The following SLC9A4 variants were observed in gnomAD, a reference collection of about 807,000 sequenced individuals.
SLC9A4 encodes the protein sodium/hydrogen exchanger 4.
In SLC9A4, 63 loss-of-function variants were observed where a neutral mutation model predicts 67.4. That is an observed-to-expected ratio of 0.93 (90% CI 0.76 to 1.15). The LOEUF (loss-of-function observed/expected upper bound fraction) is 1.15, where lower values mean the gene tolerates loss of function less well. Among genes scored for constraint, SLC9A4 ranks in the 50% most tolerant of loss-of-function variants. The probability of loss-of-function intolerance (pLI) is 0.00; values close to 1 mark genes in which losing one functional copy is unlikely to be tolerated. For synonymous variants in SLC9A4, 393 were observed against 367.2 expected (o/e 1.07, Z -0.80); for missense variants, 1,089 against 987.7 (o/e 1.10, Z -1.38).
intron 9 of SLC9A4, among the ~76,000 whole-genome samples, chr2:102,520,932 A>G (rs1204743215): frequency 2.6e-5 from 4 of 152,356 alleles, no homozygotes; most frequent in Non-Finnish European, 5.9e-5. Context: ...TCAAAGGTCA[A>G]TGATTAAGAG....
rs1684274826 is a variant in SLC9A4, at chr2:102,473,935, T to C, written c.176T>C (p.Val59Ala). The change falls in exon 1 of 12, where the codon GTT (valine) becomes GCT (alanine). Residue 59 changes from valine (V) to alanine (A), a missense_variant. Transcript: ENST00000295269. ...ASSEPEEGISVFELDYDYVQI... is the reference protein window; with the variant it reads ...ASSEPEEGISAFELDYDYVQI... ...TCAGAGCCAGAGGAAGGGATATCTGTTTTTGAACTGGATTATGACTATGTG... is the reference window on the plus strand; with the variant it reads ...TCAGAGCCAGAGGAAGGGATATCTGCTTTTGAACTGGATTATGACTATGTG... 1 of 1,614,056 alleles carries C rather than the reference T, an allele frequency of 6.2e-7. No individual in the cohort carries two copies. The highest frequency in any genetic ancestry group is 8.5e-7 in the Non-Finnish European group (1 of 1,179,940).
Position 102,521,746 on chromosome 2 carries a change from A to G in SLC9A4, c.1818+1791A>G, listed in dbSNP as rs183107916. ...TTTTGAGGAATGTCACAAAGGGTGT[A>G]CATTAGCCATCCTGCACTCTCTAGC... On this transcript the variant is annotated intron_variant, in intron 9 of 11. Transcript: ENST00000295269. 7.2e-5 allele frequency among the ~76,000 whole-genome samples: 11 copies of G among 152,358 alleles called. No homozygotes were observed. The East Asian group carries it at 2.1e-3, about 29-fold the overall frequency.
intron 2 of SLC9A4, among the ~76,000 whole-genome samples, chr2:102,482,166 A>T (rs1242781540): frequency 6.6e-6 from 1 of 152,204 alleles, no homozygotes; most frequent in Non-Finnish European, 1.5e-5. Flanking sequence ...AGACTGTCAT[A>T]GGATTCAGAG....
At chr2:102,495,868 G>A (rs1684797629) in intron 2 of SLC9A4, among the ~76,000 whole-genome samples, 1 of 152,020 alleles carries the variant, frequency 6.6e-6, no homozygotes, top group Admixed American at 6.6e-5. Flanking sequence ...AACACAACAT[G>A]TATCATAGAT....
intron 1 of SLC9A4, 132 bp downstream of exon 1, chr2:102,474,147 C>G: frequency 4.6e-6 from 5 of 1,089,932 alleles, no homozygotes; most frequent in Non-Finnish European, 6.5e-6. Context: ...CTCTTCCCTT[C>G]AGTCAAGGGA....
Position 102,508,119 on chromosome 2 carries a change from T to A in SLC9A4, c.1239T>A (p.Thr413=). The A allele has an allele frequency of 6.2e-7, 1 of 1,614,226 alleles. No homozygotes were observed. Among genetic ancestry groups the A allele is most frequent in the South Asian group, 1.1e-5 (1 of 91,084 alleles). The part of the protein sequence containing the change: ...ALFYISNQFR[T]FPFSIKDQCI... ...TCTATATCAGTAACCAGTTTCGGAC[T>A]TTCCCCTTCTCCATCAAGGACCAGT... The change falls in exon 5 of 12, where the codon ACT becomes ACA. Residue 413 remains threonine (T), a synonymous_variant. Coordinates refer to ENST00000295269, the MANE Select transcript of SLC9A4 (RefSeq NM_001011552.4).
At chr2:102,507,765 A>T (rs1231896405) in intron 4 of SLC9A4, among the ~76,000 whole-genome samples, 2 of 152,184 alleles carry the variant, frequency 1.3e-5, no homozygotes, top group African/African-American at 4.8e-5. Flanking sequence ...AAAAATTATG[A>T]ATATAGATTA....
At chr2:102,511,968 G>A (rs368484231) in intron 6 of SLC9A4, among the ~76,000 whole-genome samples, 2 of 151,988 alleles carry the variant, frequency 1.3e-5, no homozygotes, top group Non-Finnish European at 2.9e-5. Context: ...TTTTCATTAC[G>A]TATTATGTGA....
rs1463889223 is a variant in SLC9A4 at position 102,508,270 on chromosome 2, G to T, written c.1390G>T (p.Val464Leu). The change falls in exon 5 of 12, where the codon GTA becomes TTA. Residue 464 changes from valine (V) to leucine (L), a missense_variant. Physicochemically the swap from Val to Leu is conservative, Grantham distance 32. Transcript: ENST00000295269. ...TACTCTAGTAGTTATATACTTTACT[G>T]TATTTATTCAGGTAAGTAGATTTCC... ...TATLVVIYFT[V>L]FIQGITVGPL... 2 of 1,611,672 alleles carry T rather than the reference G, an allele frequency of 1.2e-6. No individual in the cohort carries two copies. Among genetic ancestry groups the T allele is most frequent in the East Asian group, 4.5e-5 (2 of 44,852 alleles).
intron 6 of SLC9A4, among the ~76,000 whole-genome samples, chr2:102,509,421 C>T (rs777664679): frequency 6.6e-6 from 1 of 152,218 alleles, no homozygotes; most frequent in Non-Finnish European, 1.5e-5. Context: ...TTAAGTCCAT[C>T]TGCCACTTAA....
At chr2:102,485,640 C>T (rs891603471) in intron 2 of SLC9A4, among the ~76,000 whole-genome samples, 21 of 152,110 alleles carry the variant, frequency 1.4e-4, no homozygotes, top group Admixed American at 3.9e-4. Context: ...GAGTCAAGGG[C>T]TCTAGTGGAA....
At chr2:102,487,367 G>T (rs1280843798) in intron 2 of SLC9A4, among the ~76,000 whole-genome samples, 1 of 152,132 alleles carries the variant, frequency 6.6e-6, no homozygotes, top group Non-Finnish European at 1.5e-5. Flanking sequence ...ATGAAGGAGA[G>T]TGTTGCAGGG....
intron 2 of SLC9A4, among the ~76,000 whole-genome samples, chr2:102,485,513 T>A (rs1160900497): frequency 2.0e-5 from 3 of 152,268 alleles, no homozygotes; most frequent in Admixed American, 2.0e-4. Context: ...TGTCTGTCCC[T>A]GTAGCAACAT....
At chr2:102,529,396 T>C (rs1044781583) in intron 11 of SLC9A4, among the ~76,000 whole-genome samples, 7 of 152,228 alleles carry the variant, frequency 4.6e-5, no homozygotes, top group Non-Finnish European at 2.9e-5. Context: ...CAATATGTTA[T>C]GGGTCATATG....
At chr2:102,523,131 GC>G (rs1378424149) in intron 9 of SLC9A4, among the ~76,000 whole-genome samples, 1 of 63,014 alleles carries the variant, frequency 1.6e-5, no homozygotes, top group African/African-American at 6.6e-5. Flanking sequence ...ACCACACCCA[GC>G]ATTTTTTTTT....
In SLC9A4 at chr2:102,512,236, G is replaced by A; in HGVS notation, c.1522G>A (p.Val508Met). ...MDHLKAGIED[V>M]CGHWSHYQVR... The stretch of plus-strand genomic sequence containing the variant: ...TCACTTAAAGGCTGGAATCGAAGAT[G>A]TGTGTGGGCACTGGAGTCACTACCA... The change falls in exon 7 of 12, where the codon GTG becomes ATG. Residue 508 changes from valine (V) to methionine (M), a missense_variant. Physicochemically the swap from Val to Met is conservative, Grantham distance 21. Transcript: ENST00000295269. The A allele has an allele frequency of 6.2e-7, 1 of 1,614,112 alleles. No individual in the cohort carries two copies. Among genetic ancestry groups the A allele is most frequent in the Non-Finnish European group, 8.5e-7 (1 of 1,179,978 alleles).
chr2:102,496,565 A>G (rs1684814865), intron 2 of SLC9A4, among the ~76,000 whole-genome samples: 1 of 152,258 alleles, frequency 6.6e-6, no homozygotes, highest in African/African-American at 2.4e-5. Context: ...TGTCTTTAGC[A>G]GTGATGAGAC....
chr2:102,478,858 G>A lies in SLC9A4; in HGVS notation c.276G>A (p.Arg92=), dbSNP rs981923113. 7 of 1,613,928 alleles carry A rather than the reference G, an allele frequency of 4.3e-6. No individual in the cohort carries two copies. The highest frequency in any genetic ancestry group is 1.3e-5 in the African/African-American group (1 of 74,946). ...LAKIGFHLYH[R]LPGLMPESCL... ...CTGCAGGCTTCCACCTCTACCACAG[G>A]CTGCCAGGCCTCATGCCAGAAAGCT... Residue 92 remains arginine, a synonymous_variant, in exon 2 of 12, where the codon AGG becomes AGA. Transcript: ENST00000295269.
At position 102,483,567 on chromosome 2, in the gene SLC9A4, A is replaced by G. The variant is rs115673481; in HGVS notation, c.720+4265A>G. On this transcript the variant is annotated intron_variant, in intron 2 of 11. Coordinates refer to ENST00000295269, the MANE Select transcript of SLC9A4 (RefSeq NM_001011552.4). ...GTTGCTCCCAACAGTCGAAATATTG[A>G]TGAATCTGATTCTCCAGATCTCTTG... Among the ~76,000 whole-genome samples, 162 of 152,184 alleles carry G rather than the reference A, an allele frequency of 1.1e-3. 1 individual carries two copies. Among genetic ancestry groups the G allele is most frequent in the African/African-American group, 3.7e-3 (153 of 41,512 alleles).
Sources: gnomAD v4.1 joint callset for allele counts (sites outside exome capture counted in the v4.1 genomes callset) on GRCh38, gnomAD v4.1.1 for gene constraint, MANE v1.5 for transcripts, NCBI Gene and HGNC (gene_info 2026-07-23, HGNC 2026-07-21) for gene names.